EXOC3: variants seen among roughly 807,000 people sequenced by gnomAD.
EXOC3 encodes the protein exocyst complex component 3.
A neutral mutation model predicts 73.7 loss-of-function variants in EXOC3; 21 were observed. The ratio of observed to expected loss-of-function variants is 0.29; its 90% CI spans 0.20 to 0.41. The LOEUF (loss-of-function observed/expected upper bound fraction) is 0.41. EXOC3 is among the 10% of genes least tolerant of loss of function. The probability of loss-of-function intolerance (pLI) is 1.00; values close to 1 mark genes in which losing one functional copy is unlikely to be tolerated. For missense variants in EXOC3, 842 were observed against 985.1 expected (o/e 0.85, Z 1.95); for synonymous variants, 410 against 389.1 (o/e 1.05, Z -0.63).
At chr5:447,308 G>A in intron 2 of EXOC3, 2 of 522,494 alleles carry the variant, frequency 3.8e-6, no homozygotes, top group Non-Finnish European at 6.8e-6. Context: ...TCTCATCAAG[G>A]CTTTAAAATG....
In EXOC3 at chr5:453,973, T is replaced by C; in HGVS notation, c.968T>C (p.Met323Thr). The change falls in exon 4 of 13, where the codon ATG becomes ACG. Residue 323 changes from methionine to threonine, a missense_variant. Coordinates refer to ENST00000512944, the MANE Select transcript of EXOC3 (RefSeq NM_007277.5). ...NMYHQALSTR[M>T]QDLASEDLEA... is the part of the protein sequence containing the mutation. ...TACCACCAAGCCCTGAGCACGCGGA[T>C]GCAGGACCTCGCATCGGAAGACCTG... 1 of 1,613,980 alleles carries C rather than the reference T, an allele frequency of 6.2e-7. No homozygotes were observed. Among genetic ancestry groups the C allele is most frequent in the Non-Finnish European group, 8.5e-7 (1 of 1,179,876 alleles).
chr5:457,299 C>G, intron 5 of EXOC3: 1 of 413,234 alleles, frequency 2.4e-6, no homozygotes, highest in Non-Finnish European at 4.5e-6. Context: ...TGTGGCAGCA[C>G]CTGCCAGGCT....
At chr5:463,449 C>T (rs1738046385) in intron 9 of EXOC3, among the ~76,000 whole-genome samples, 1 of 152,218 alleles carries the variant, frequency 6.6e-6, no homozygotes, top group African/African-American at 2.4e-5. Flanking sequence ...GCAATGAATG[C>T]TCAACAGGAC....
intron 5 of EXOC3, chr5:457,285 C>T (rs937945953): frequency 2.5e-5 from 11 of 442,286 alleles, no homozygotes; most frequent in South Asian, 9.9e-5. Context: ...ACGTCTGAAC[C>T]GTGTGTGGCA....
At chr5:445,353 CTTTTTTTTTT>C (rs11452170) in intron 1 of EXOC3, among the ~76,000 whole-genome samples, 1 of 139,624 alleles carries the variant, frequency 7.2e-6, no homozygotes, top group East Asian at 2.1e-4. Flanking sequence ...CTTTTTTTTT[CTTTTTTTTTT>C]TTTTGAGACG....
chr5:449,420 A>G (rs1737594827), intron 3 of EXOC3, among the ~76,000 whole-genome samples: 1 of 152,228 alleles, frequency 6.6e-6, no homozygotes, highest in Non-Finnish European at 1.5e-5. Flanking sequence ...TCTTGCAGAC[A>G]TGAAAATCTG....
chr5:465,119 G>C lies in EXOC3; in HGVS notation c.1785G>C (p.Thr595=). 2 of 1,580,762 alleles carry C rather than the reference G, an allele frequency of 1.3e-6. No homozygotes were observed. Among genetic ancestry groups the C allele is most frequent in the South Asian group, 1.2e-5 (1 of 86,750 alleles). ...KIKKPYKKRM[T]AEAHRRVVVE... ...CGCGCGTGTCTCCCCAGAGGATGACGGCCGAGGCGCACCGGCGCGTGGTGG... is the reference window on the plus strand; with the variant it reads ...CGCGCGTGTCTCCCCAGAGGATGACCGCCGAGGCGCACCGGCGCGTGGTGG... The change falls in exon 11 of 13, where the codon ACG becomes ACC. Residue 595 remains threonine (T), a synonymous_variant. Coordinates refer to ENST00000512944, the MANE Select transcript of EXOC3 (RefSeq NM_007277.5).
At chr5:463,856 G>A (rs1738057816) in intron 9 of EXOC3, among the ~76,000 whole-genome samples, 1 of 152,216 alleles carries the variant, frequency 6.6e-6, no homozygotes, top group African/African-American at 2.4e-5. Flanking sequence ...ATAAATATAT[G>A]TAGCCACTAA....
intron 3 of EXOC3, among the ~76,000 whole-genome samples, chr5:451,378 CAT>C (rs1737655446): frequency 6.6e-6 from 1 of 152,210 alleles, no homozygotes; most frequent in South Asian, 2.1e-4. Context: ...CTTTATATAT[CAT>C]GTGTCCAAAA....
chr5:461,169 TAAATA>T (rs10531780), intron 7 of EXOC3, among the ~76,000 whole-genome samples: 66,357 of 151,606 alleles, frequency 0.44, 14,956 homozygotes, highest in African/African-American at 0.55. Context: ...GTAAATAAAA[TAAATA>T]AAATAAGATA....
intron 3 of EXOC3, among the ~76,000 whole-genome samples, chr5:449,359 A>G (rs1197052651): frequency 1.3e-5 from 2 of 152,132 alleles, no homozygotes; most frequent in Non-Finnish European, 2.9e-5. Context: ...TATTAAGAAC[A>G]TTCATATTGT....
intron 7 of EXOC3, among the ~76,000 whole-genome samples, chr5:459,824 C>T (rs887835054): frequency 1.3e-5 from 2 of 152,372 alleles, no homozygotes; most frequent in South Asian, 2.1e-4. Context: ...AGGGCGTCCT[C>T]GGCTGAGCCG....
chr5:461,802 A>G, intron 7 of EXOC3, 158 bp from the exon 8 acceptor site: 2 of 610,238 alleles, frequency 3.3e-6, no homozygotes, highest in Non-Finnish European at 5.9e-6. Context: ...CTGTCCTTCC[A>G]TTAGTCTGGA....
chr5:457,303 C>T, intron 5 of EXOC3: 1 of 401,662 alleles, frequency 2.5e-6, no homozygotes, highest in South Asian at 2.8e-5. Context: ...GCAGCACCTG[C>T]CAGGCTCTCG....
chr5:443,808 C>A (rs1231285294), intron 1 of EXOC3, among the ~76,000 whole-genome samples: 29 of 149,176 alleles, frequency 1.9e-4, no homozygotes. Flanking sequence ...TTGACGGTGT[C>A]CCCCCCCAGG....
rs756554339 is a variant in EXOC3 at position 465,779 on chromosome 5, A to G, written c.2000A>G (p.Lys667Arg). The change falls in exon 12 of 13, where the codon AAG becomes AGG. Residue 667 changes from lysine (K) to arginine (R), a missense_variant. Physicochemically the swap from Lys to Arg is conservative, Grantham distance 26. Transcript: ENST00000512944. ...DTIVAVAEVI[K>R]LTDPSLLYLE... The stretch of plus-strand genomic sequence containing the variant: ...ATCGTGGCTGTGGCCGAAGTGATCA[A>G]GCTGACAGACCCTTCTCTGCTCTAC... 3 of 1,613,706 alleles carry G rather than the reference A, an allele frequency of 1.9e-6. No individual in the cohort carries two copies. Among genetic ancestry groups the G allele is most frequent in the East Asian group, 4.5e-5 (2 of 44,896 alleles).
Position 467,221 on chromosome 5 carries a change from C to T in EXOC3, c.*323C>T, listed in dbSNP as rs1033817152. The T allele has an allele frequency of 9.5e-6, 3 of 316,632 alleles. No homozygotes were observed. The highest frequency in any genetic ancestry group is 1.7e-5 in the Non-Finnish European group (3 of 172,248). 19.6% of individuals were successfully genotyped at this position (316,632 alleles called of 1,614,324 possible). A position where few individuals can be genotyped will look rare whatever the true frequency, so the allele number is the denominator to read the frequency against. On this transcript the variant is annotated 3_prime_UTR_variant, in exon 13 of 13. Transcript: ENST00000512944. ...TGCCCTCCTCCTCCCTGGGCCTTCA[C>T]CGCACCCCATCTGCTTAAGTGCTCG...
In EXOC3 at chr5:465,282, G is replaced by A. The variant is rs769836655; in HGVS notation, c.1938+10G>A. 1.5e-5 allele frequency: 23 copies of A among 1,570,898 alleles called. No individual in the cohort carries two copies. The highest frequency in any genetic ancestry group is 2.4e-5 in the East Asian group (1 of 42,370). On this transcript the variant is annotated intron_variant, in intron 11 of 12. Coordinates refer to ENST00000512944, the MANE Select transcript of EXOC3 (RefSeq NM_007277.5). The stretch of plus-strand genomic sequence containing the variant: ...CCGGAAGCTGGCGTCCGTGAGTGTC[G>A]CGCAGGTCCGGGCTGGAGAAGGCCT...
At position 462,219 on chromosome 5, in the gene EXOC3, C is replaced by T. The variant is rs774053027; in HGVS notation, c.1565C>T (p.Pro522Leu). The T allele has an allele frequency of 1.1e-5, 18 of 1,613,828 alleles. No homozygotes were observed. Among genetic ancestry groups the T allele is most frequent in the African/African-American group, 9.3e-5 (7 of 74,922 alleles). ...AATGAAGTGGAAGAGGGTGTGTCTCCGAGCCAGCCCAGCATGGACGGGATT... is the reference window on the plus strand; with the variant it reads ...AATGAAGTGGAAGAGGGTGTGTCTCTGAGCCAGCCCAGCATGGACGGGATT... ...LKNEVEEGVS[P>L]SQPSMDGILD... The change falls in exon 9 of 13, where the codon CCG becomes CTG. Residue 522 changes from proline to leucine, a missense_variant. Coordinates refer to ENST00000512944, the MANE Select transcript of EXOC3 (RefSeq NM_007277.5).
Sources: allele counts gnomAD v4.1 joint callset (sites outside exome capture counted in the v4.1 genomes callset), GRCh38; gene constraint gnomAD v4.1.1; transcripts MANE v1.5; gene names NCBI Gene and HGNC (gene_info 2026-07-23, HGNC 2026-07-21).